Variants in EIF5B observed in about 807,000 individuals in gnomAD.
EIF5B encodes the protein eIF-5B.
Under a neutral mutation model 147.5 loss-of-function variants are expected in EIF5B, and 47 were observed. The observed-to-expected ratio is 0.32, with a 90% confidence interval of 0.25 to 0.41. The LOEUF (loss-of-function observed/expected upper bound fraction) is 0.41. Among genes scored for constraint, EIF5B ranks in the 10% least tolerant of loss-of-function variants. The probability of loss-of-function intolerance (pLI) is 1.00; values close to 1 mark genes in which losing one functional copy is unlikely to be tolerated. For missense variants in EIF5B, 1,064 were observed against 1,413.2 expected, an observed-to-expected ratio of 0.75 and a Z score of 3.96; for synonymous variants, 455 against 456.2, an observed-to-expected ratio of 1.00 and a Z score of 0.03.
chr2:99,350,491 T>C (rs965512001), intron 1 of EIF5B, among the ~76,000 whole-genome samples: 1 of 152,216 alleles, frequency 6.6e-6, no homozygotes, highest in Non-Finnish European at 1.5e-5. Context: ...TGATATCTCA[T>C]TGTGGTTTTG....
intron 1 of EIF5B, among the ~76,000 whole-genome samples, chr2:99,347,816 A>G (rs955759824): frequency 4.6e-5 from 7 of 152,066 alleles, no homozygotes; most frequent in Non-Finnish European, 4.4e-5. Flanking sequence ...ACCGGAAACA[A>G]TTTTGGGGGG....
chr2:99,351,608 T>C (rs1274959538), intron 1 of EIF5B, among the ~76,000 whole-genome samples: 1 of 152,254 alleles, frequency 6.6e-6, no homozygotes, highest in African/African-American at 2.4e-5. Flanking sequence ...AGTTACTCCA[T>C]ATCCAGTCTC....
chr2:99,359,336 T>G (rs559767648), intron 1 of EIF5B, among the ~76,000 whole-genome samples: 50 of 151,236 alleles, frequency 3.3e-4, no homozygotes, highest in African/African-American at 1.2e-3. Context: ...GCCACTGCAC[T>G]CCAGCCTAGG....
chr2:99,352,544 C>CA (rs1011734793), intron 1 of EIF5B, among the ~76,000 whole-genome samples: 1 of 141,204 alleles, frequency 7.1e-6, no homozygotes, highest in African/African-American at 2.7e-5. Flanking sequence ...TTTTTTTTGA[C>CA]AGAGTTTTGC....
At chr2:99,383,484 A>G (rs543138724) in intron 14 of EIF5B, among the ~76,000 whole-genome samples, 3 of 152,206 alleles carry the variant, frequency 2.0e-5, no homozygotes, top group Non-Finnish European at 4.4e-5. Flanking sequence ...TCACACATAG[A>G]ATATCAGTCC....
chr2:99,350,868 T>C (rs1454134035), intron 1 of EIF5B, among the ~76,000 whole-genome samples: 1 of 152,222 alleles, frequency 6.6e-6, no homozygotes, highest in Non-Finnish European at 1.5e-5. Flanking sequence ...TCATTTTGAG[T>C]TGATTTTTGT....
At chr2:99,377,020 TATA>T (rs1674581415) in intron 10 of EIF5B, among the ~76,000 whole-genome samples, 1 of 152,192 alleles carries the variant, frequency 6.6e-6, no homozygotes, top group Non-Finnish European at 1.5e-5. Context: ...ACTATAGTTA[TATA>T]AATCTGGTGG....
chr2:99,361,220 A>G lies in EIF5B; in HGVS notation c.319A>G (p.Ser107Gly). 1 of 1,602,106 alleles carries G rather than the reference A, an allele frequency of 6.2e-7. No individual in the cohort carries two copies. The highest frequency in any genetic ancestry group is 8.5e-7 in the Non-Finnish European group (1 of 1,177,102). Residue 107 changes from serine to glycine, a missense_variant, in exon 4 of 24, where the codon AGT becomes GGT. Around this residue, in one of 4 missense-constraint regions of EIF5B, gnomAD observed 458 missense variants for 451.3 expected, o/e 1.01. Transcript: ENST00000289371. Reference protein sequence around the residue: ...KKKGQKGKKQSFDDNDSEELE... With the variant: ...KKKGQKGKKQGFDDNDSEELE... ...GAAAGGACAGAAGGGCAAAAAACAG[A>G]GTTTTGATGATAATGATAGCGAAGA...
chr2:99,376,394 G>A lies in EIF5B; in HGVS notation c.1600G>A (p.Glu534Lys). 6.5e-7 allele frequency: 1 copy of A among 1,541,458 alleles called. No homozygotes were observed. The highest frequency in any genetic ancestry group is 1.2e-5 in the South Asian group (1 of 86,654). Residue 534 changes from glutamate (E) to lysine (K), a missense_variant, in exon 10 of 24, where the codon GAG becomes AAG. Glu to Lys is a moderately conservative substitution (Grantham distance 56). Around this residue, in one of 4 missense-constraint regions of EIF5B, gnomAD observed 195 missense variants for 186.3 expected, o/e 1.05. Transcript: ENST00000289371. ...AGAAGTAAAAGAAAACCCTGAAGAG[G>A]AGGAGGAGGAGGAAGAAGAGGAAGA... ...HIEVKENPEEEEEEEEEEEED... is the reference protein window; with the variant it reads ...HIEVKENPEEKEEEEEEEEED...
chr2:99,347,756 A>G (rs1230004216), intron 1 of EIF5B, among the ~76,000 whole-genome samples: 1 of 151,992 alleles, frequency 6.6e-6, no homozygotes, highest in Non-Finnish European at 1.5e-5. Context: ...TCTTCTCTTG[A>G]CAAAAAGGTT....
chr2:99,361,688 AAAAAGGATCAGAGTAAAC>A lies in EIF5B; in HGVS notation c.795_812del (p.Asp265_Lys270del). On this transcript the variant is annotated inframe_deletion, in exon 4 of 24. Coordinates refer to ENST00000289371, the MANE Select transcript of EIF5B (RefSeq NM_015904.4). ...AGAAAAAGAAGAGTTAGAAACAGGT[AAAAAGGATCAGAGTAAAC>A]AAAAGGAATCTCAAAGGAAATTTGA... 1 of 1,601,362 alleles carries A rather than the reference AAAAAGGATCAGAGTAAAC, an allele frequency of 6.2e-7. No homozygotes were observed.
rs529053292 is a variant in EIF5B, at chr2:99,353,005, CTTTTTTTTTTTT to C, written c.36-7215_36-7204del. ...GCCTGGCTAATTTTTTCTTCTTCTTCTTTTTTTTTTTTTTTTTTTTTTTTTTTGAGACGGAGT... is the reference window on the plus strand; with the variant it reads ...GCCTGGCTAATTTTTTCTTCTTCTTCTTTTTTTTTTTTTTTGAGACGGAGT... On this transcript the variant is annotated intron_variant, in intron 1 of 23. Transcript: ENST00000289371. 2.2e-3 allele frequency among the ~76,000 whole-genome samples: 139 copies of C among 62,858 alleles called. 8 individuals carry two copies. Among genetic ancestry groups the C allele is most frequent in the Non-Finnish European group, 8.0e-4 (29 of 36,470 alleles). The allele number at this position is 62,858 out of a possible 152,430, so 41.2% of individuals were successfully genotyped here.
chr2:99,339,730 G>T (rs990565495), intron 1 of EIF5B, among the ~76,000 whole-genome samples: 1 of 152,038 alleles, frequency 6.6e-6, no homozygotes, highest in African/African-American at 2.4e-5. Context: ...AAAAGCCATT[G>T]GGAGACAAGA....
rs1341607902 is a variant in EIF5B, at chr2:99,369,452, A to C, written c.1448A>C (p.Lys483Thr). ...GTTATGGAACAAGGAGTACCAGAAA[A>C]GGAAGAGACACCACCTCCTGTTGAA... The part of the protein sequence containing the change: ...VEVMEQGVPE[K>T]EETPPPVEPE... Residue 483 changes from lysine to threonine, a missense_variant, in exon 8 of 24, where the codon AAG becomes ACG. Coordinates refer to ENST00000289371, the MANE Select transcript of EIF5B (RefSeq NM_015904.4). The C allele has an allele frequency of 1.2e-6, 2 of 1,610,232 alleles. No individual in the cohort carries two copies. The highest frequency in any genetic ancestry group is 8.5e-7 in the Non-Finnish European group (1 of 1,177,322).
rs1456960891 is a variant in EIF5B, at chr2:99,337,551, A to G, written c.-4A>G. ...GCTGGGGCCACGAGCGCCATTGACAAGCAATGGGGAAGAAACAGAAAAACA... is the reference window on the plus strand; with the variant it reads ...GCTGGGGCCACGAGCGCCATTGACAGGCAATGGGGAAGAAACAGAAAAACA... On this transcript the variant is annotated 5_prime_UTR_variant, in exon 1 of 24. Transcript: ENST00000289371. The G allele has an allele frequency of 2.5e-6, 4 of 1,612,994 alleles. No homozygotes were observed. Among genetic ancestry groups the G allele is most frequent in the Non-Finnish European group, 3.4e-6 (4 of 1,179,514 alleles).
chr2:99,341,758 A>C lies in EIF5B; in HGVS notation c.35+4169A>C, dbSNP rs539946139. Among the ~76,000 whole-genome samples, 24 of 152,362 alleles carry C rather than the reference A, an allele frequency of 1.6e-4. No homozygotes were observed. In the East Asian group the frequency reaches 4.4e-3, roughly 28 times the overall value. ...AATTTAAAAATAAAAATAAACTTAC[A>C]CTATGATACATAACATTATTAAATA... On this transcript the variant is annotated intron_variant, in intron 1 of 23. Transcript: ENST00000289371.
In EIF5B at chr2:99,371,703, A is replaced by G; in HGVS notation, c.1525A>G (p.Met509Val). The G allele has an allele frequency of 1.2e-6, 2 of 1,612,870 alleles. No homozygotes were observed. The highest frequency in any genetic ancestry group is 1.7e-6 in the Non-Finnish European group (2 of 1,179,268). ...EDAGLDDWEA[M>V]ASDEETEKVE... is the part of the protein sequence containing the mutation. ...TGCTGGATTGGATGATTGGGAAGCT[A>G]TGGCCAGTGATGAGGAGACAGAAAA... Residue 509 changes from methionine (M) to valine (V), a missense_variant, in exon 9 of 24, where the codon ATG (methionine) becomes GTG (valine). Physicochemically the swap from Met to Val is conservative, Grantham distance 21. This residue lies in a region of EIF5B where 195 missense variants were observed against 186.3 expected (regional missense o/e 1.05). Transcript: ENST00000289371.
At chr2:99,366,364 T>C (rs1461484798) in intron 6 of EIF5B, among the ~76,000 whole-genome samples, 3 of 152,206 alleles carry the variant, frequency 2.0e-5, no homozygotes, top group Non-Finnish European at 1.5e-5. Context: ...CTTTTCATCT[T>C]AGTAGGTGTA....
chr2:99,399,481 GAC>G lies in EIF5B; in HGVS notation c.*69_*70del. ...TGTTGTAATATCCCAACAAAAATCAGACAAAAAATGGAACAGACGTATTTGGA... is the reference window on the plus strand; with the variant it reads ...TGTTGTAATATCCCAACAAAAATCAGAAAAAATGGAACAGACGTATTTGGA... On this transcript the variant is annotated 3_prime_UTR_variant, in exon 24 of 24. Coordinates refer to ENST00000289371, the MANE Select transcript of EIF5B (RefSeq NM_015904.4). The G allele has an allele frequency of 6.9e-7, 1 of 1,445,926 alleles. No homozygotes were observed. Among genetic ancestry groups the G allele is most frequent in the Non-Finnish European group, 9.6e-7 (1 of 1,039,880 alleles). 89.6% of individuals were successfully genotyped at this position (1,445,926 alleles called of 1,614,324 possible). A position where few individuals can be genotyped will look rare whatever the true frequency, so the allele number is the denominator to read the frequency against.
Sources: gnomAD v4.1 joint callset for allele counts (sites outside exome capture counted in the v4.1 genomes callset) on GRCh38, gnomAD v4.1.1 for gene constraint, gnomAD v4.1.1 regional missense constraint, MANE v1.5 for transcripts, NCBI Gene and HGNC (gene_info 2026-07-23, HGNC 2026-07-21) for gene names.